The following SGCD variants were observed in gnomAD, a reference collection of about 807,000 sequenced individuals.
SGCD encodes delta-sarcoglycan.
A neutral mutation model predicts 36.6 loss-of-function variants in SGCD; 18 were observed. The ratio of observed to expected loss-of-function variants is 0.49; its 90% CI spans 0.34 to 0.73. The LOEUF (loss-of-function observed/expected upper bound fraction) is 0.73, where lower values mean the gene tolerates loss of function less well. Ranked by LOEUF, SGCD falls within the 30% of genes least tolerant of loss-of-function variation. SGCD has a pLI of 0.01. For missense variants in SGCD, 387 were observed against 346.7 expected (o/e 1.12, Z -0.92); for synonymous variants, 133 against 130.6 (o/e 1.02, Z -0.12).
intron 1 of SGCD, among the ~76,000 whole-genome samples, chr5:155,900,922 T>C (rs1756374804): frequency 6.6e-6 from 1 of 152,046 alleles, no homozygotes; most frequent in African/African-American, 2.4e-5. Context: ...ATCAAGGTAA[T>C]GAACGTATTT....
chr5:156,266,315 A>G (rs1302110826), intron 3 of SGCD, among the ~76,000 whole-genome samples: 1 of 152,232 alleles, frequency 6.6e-6, no homozygotes, highest in Admixed American at 6.5e-5. Context: ...ACATGGAGTC[A>G]GAGCATCCTC....
chr5:156,309,813 GT>G (rs1021620146), intron 3 of SGCD, among the ~76,000 whole-genome samples: 1 of 151,722 alleles, frequency 6.6e-6, no homozygotes, highest in Non-Finnish European at 1.5e-5. Flanking sequence ...TAAGACAGTT[GT>G]TTTAAAGTCT....
chr5:156,612,956 G>A (rs986749038), intron 6 of SGCD, among the ~76,000 whole-genome samples: 1 of 152,182 alleles, frequency 6.6e-6, no homozygotes, highest in African/African-American at 2.4e-5. Context: ...GGTGTGTGTA[G>A]CAGTAATAAG....
chr5:156,000,339 G>A (rs1203969261), intron 1 of SGCD, among the ~76,000 whole-genome samples: 2 of 152,098 alleles, frequency 1.3e-5, no homozygotes, highest in East Asian at 3.9e-4. Flanking sequence ...CAGTTCTGAT[G>A]ACCCAAACAC....
intron 2 of SGCD, among the ~76,000 whole-genome samples, chr5:156,343,894 T>C (rs1768802223): frequency 6.6e-6 from 1 of 152,202 alleles, no homozygotes; most frequent in African/African-American, 2.4e-5. Flanking sequence ...AGGTATTTAC[T>C]AGACTATCAC....
chr5:156,643,551 A>G (rs962909385), intron 6 of SGCD, among the ~76,000 whole-genome samples: 7 of 152,182 alleles, frequency 4.6e-5, no homozygotes, highest in Non-Finnish European at 8.8e-5. Context: ...ACAGGAGCGG[A>G]AGAAACCTTA....
At chr5:156,357,801 G>A (rs998333454) in intron 3 of SGCD, among the ~76,000 whole-genome samples, 8 of 151,744 alleles carry the variant, frequency 5.3e-5, no homozygotes, top group South Asian at 2.1e-4. Context: ...CATTTTGACC[G>A]GCTTTTAATT....
intron 3 of SGCD, among the ~76,000 whole-genome samples, chr5:156,505,534 G>T (rs537042497): frequency 2.0e-5 from 3 of 152,174 alleles, no homozygotes; most frequent in Admixed American, 6.5e-5. Context: ...AACATAGTGA[G>T]GTAGGTTGGG....
intron 1 of SGCD, among the ~76,000 whole-genome samples, chr5:155,942,263 TTATC>T (rs1757339714): frequency 6.6e-6 from 1 of 152,088 alleles, no homozygotes; most frequent in Non-Finnish European, 1.5e-5. Flanking sequence ...TTTATAGCAT[TTATC>T]TATCATCTAT....
At chr5:156,600,769 A>G (rs1581233330) in intron 6 of SGCD, among the ~76,000 whole-genome samples, 1 of 152,096 alleles carries the variant, frequency 6.6e-6, no homozygotes, top group Non-Finnish European at 1.5e-5. Flanking sequence ...TGTAATAGTT[A>G]TACTTATTTA....
Position 156,051,644 on chromosome 5 carries a change from T to C in SGCD, c.-281-66234T>C, listed in dbSNP as rs1435316064. ...TTAAGAAAACAGACATGCTTGTGTG[T>C]GTGAAACATATAAACTAGAGGGGAA... On this transcript the variant is annotated intron_variant, in intron 1 of 9. Transcript: ENST00000517913. Among the ~76,000 whole-genome samples the C allele has an allele frequency of 1.4e-5, 2 of 146,164 alleles. 1 individual carries two copies. The highest frequency in any genetic ancestry group is 4.9e-5 in the African/African-American group (2 of 40,586).
chr5:156,169,703 C>T (rs1192171526), intron 3 of SGCD, among the ~76,000 whole-genome samples: 3 of 152,122 alleles, frequency 2.0e-5, no homozygotes, highest in Non-Finnish European at 4.4e-5. Context: ...ACAGTGACAT[C>T]AGCAAGTGAG....
chr5:156,762,662 AG>A lies in SGCD; in HGVS notation c.*3273del, dbSNP rs1757519468. 6.6e-6 allele frequency: 1 copy of A among 152,660 alleles called. No individual in the cohort carries two copies. Among genetic ancestry groups the A allele is most frequent in the South Asian group, 2.1e-4 (1 of 4,838 alleles). The allele number at this position is 152,660 out of a possible 1,614,324, so 9.5% of individuals were successfully genotyped here. ...ACTTACCACCTTTTCCTGTAGTTAAAGTTTTATTGTCACATAGCCACATACA... is the reference window on the plus strand; with the variant it reads ...ACTTACCACCTTTTCCTGTAGTTAAATTTTATTGTCACATAGCCACATACA... On this transcript the variant is annotated 3_prime_UTR_variant, in exon 9 of 9. Transcript: ENST00000337851.
intron 6 of SGCD, among the ~76,000 whole-genome samples, chr5:156,618,723 A>C (rs1219216932): frequency 1.3e-5 from 2 of 151,928 alleles, no homozygotes; most frequent in East Asian, 3.9e-4. Flanking sequence ...CGCAAGCTTG[A>C]GGGGTGAATT....
At chr5:155,904,565 G>A (rs111583455) in intron 1 of SGCD, among the ~76,000 whole-genome samples, 1,833 of 152,050 alleles carry the variant, frequency 0.012, 55 homozygotes, top group African/African-American at 0.043. Flanking sequence ...GAATAATTAC[G>A]CCCTAAATGC....
chr5:156,375,280 C>T (rs1217124835), intron 3 of SGCD, among the ~76,000 whole-genome samples: 1 of 152,014 alleles, frequency 6.6e-6, no homozygotes, highest in Non-Finnish European at 1.5e-5. Flanking sequence ...TGTTCTCTTA[C>T]ATAAGCATAG....
intron 7 of SGCD, among the ~76,000 whole-genome samples, chr5:156,672,719 T>C (rs1753346221): frequency 1.3e-5 from 2 of 152,180 alleles, no homozygotes; most frequent in African/African-American, 4.8e-5. Context: ...TTTATAGCCA[T>C]TGTATGAGTG....
At chr5:155,952,688 A>G (rs1019432139) in intron 1 of SGCD, among the ~76,000 whole-genome samples, 6 of 152,218 alleles carry the variant, frequency 3.9e-5, no homozygotes, top group Admixed American at 2.6e-4. Flanking sequence ...AGCCACCGTC[A>G]GCCCCTAAAG....
intron 1 of SGCD, among the ~76,000 whole-genome samples, chr5:155,984,236 G>A (rs1030519357): frequency 2.0e-5 from 3 of 152,094 alleles, no homozygotes; most frequent in Non-Finnish European, 4.4e-5. Flanking sequence ...TCTCTTATTT[G>A]CATTAAACTA....
Sources: gnomAD v4.1 joint callset for allele counts (sites outside exome capture counted in the v4.1 genomes callset) on GRCh38, gnomAD v4.1.1 for gene constraint, MANE v1.5 for transcripts, NCBI Gene and HGNC (gene_info 2026-07-23, HGNC 2026-07-21) for gene names.